The following CNTN5 variants were observed in gnomAD, a reference collection of about 807,000 sequenced individuals.
CNTN5 encodes the protein contactin 5, also known as contactin-5.
Under a neutral mutation model 129.1 loss-of-function variants are expected in CNTN5, and 77 were observed. The ratio of observed to expected loss-of-function variants is 0.60; its 90% CI spans 0.50 to 0.72. The LOEUF (loss-of-function observed/expected upper bound fraction) is 0.72, where lower values mean the gene tolerates loss of function less well. Ranked by LOEUF, CNTN5 falls within the 30% of genes least tolerant of loss-of-function variation. CNTN5 has a pLI of 0.00. For missense variants in CNTN5, 1,478 were observed against 1,328.8 expected, an observed-to-expected ratio of 1.11 and a Z score of -1.75; for synonymous variants, 509 against 465.6, an observed-to-expected ratio of 1.09 and a Z score of -1.20.
At chr11:99,556,046 T>G in intron 2 of CNTN5, 99 bp from the exon 3 acceptor site, 1 of 437,758 alleles carries the variant, frequency 2.3e-6, no homozygotes, top group Non-Finnish European at 4.1e-6. Context: ...AATGGTTATT[T>G]ATCATGTTAT....
intron 13 of CNTN5, among the ~76,000 whole-genome samples, chr11:100,114,042 A>G (rs1945757485): frequency 6.6e-6 from 1 of 152,072 alleles, no homozygotes; most frequent in African/African-American, 2.4e-5. Context: ...ACTGCCATCC[A>G]TGTAAGTATC....
intron 2 of CNTN5, among the ~76,000 whole-genome samples, chr11:99,527,015 C>T (rs1188307502): frequency 1.3e-5 from 2 of 152,322 alleles, no homozygotes; most frequent in Non-Finnish European, 2.9e-5. Flanking sequence ...ACCCAATCAC[C>T]TTTGTGCTCA....
At chr11:99,098,942 T>C (rs1049338484) in intron 1 of CNTN5, among the ~76,000 whole-genome samples, 3 of 152,122 alleles carry the variant, frequency 2.0e-5, no homozygotes, top group African/African-American at 7.2e-5. Context: ...AAGTAGAAAC[T>C]GAACATCATT....
chr11:99,874,568 A>G (rs1948586074), intron 6 of CNTN5, among the ~76,000 whole-genome samples: 1 of 152,144 alleles, frequency 6.6e-6, no homozygotes, highest in South Asian at 2.1e-4. Flanking sequence ...TAGGTTTGCA[A>G]GTTGGTGATA....
At chr11:100,189,579 A>G (rs374424963) in intron 13 of CNTN5, among the ~76,000 whole-genome samples, 2 of 152,304 alleles carry the variant, frequency 1.3e-5, no homozygotes, top group East Asian at 3.9e-4. Context: ...ACCATCTGTA[A>G]TTCTTACAAG....
At chr11:99,555,422 A>G (rs1421421026) in intron 2 of CNTN5, among the ~76,000 whole-genome samples, 10 of 151,996 alleles carry the variant, frequency 6.6e-5, no homozygotes, top group Admixed American at 4.6e-4. Context: ...AGAATTTTCT[A>G]TTCTTTTCAT....
At chr11:99,337,309 AAGAT>A (rs1427761010) in intron 2 of CNTN5, among the ~76,000 whole-genome samples, 1 of 152,146 alleles carries the variant, frequency 6.6e-6, no homozygotes, top group African/African-American at 2.4e-5. Context: ...CACACACAGA[AAGAT>A]AGAGGTGTGA....
chr11:99,413,708 T>C (rs1942506248), intron 2 of CNTN5, among the ~76,000 whole-genome samples: 1 of 152,162 alleles, frequency 6.6e-6, no homozygotes, highest in Admixed American at 6.5e-5. Flanking sequence ...TGTTTCAAAA[T>C]TCGTTTTTTT....
At chr11:99,753,651 G>GA (rs201045916) in intron 3 of CNTN5, among the ~76,000 whole-genome samples, 4,112 of 96,138 alleles carry the variant, frequency 0.043, 91 homozygotes, top group Non-Finnish European at 0.053. Flanking sequence ...AATTTTTACT[G>GA]AAAAAAAAAA....
At chr11:100,178,507 CAATTA>C (rs1487251165) in intron 13 of CNTN5, among the ~76,000 whole-genome samples, 1 of 152,146 alleles carries the variant, frequency 6.6e-6, no homozygotes, top group Non-Finnish European at 1.5e-5. Context: ...CGCATGTGAA[CAATTA>C]AATTGTTAGG....
intron 1 of CNTN5, among the ~76,000 whole-genome samples, chr11:99,142,887 C>T (rs1050012418): frequency 6.6e-5 from 10 of 152,262 alleles, no homozygotes; most frequent in African/African-American, 2.4e-4. Context: ...CCATTCATGT[C>T]TATTTAACTC....
chr11:99,147,832 G>A (rs1167851949), intron 1 of CNTN5, among the ~76,000 whole-genome samples: 2 of 152,130 alleles, frequency 1.3e-5, no homozygotes, highest in Admixed American at 6.5e-5. Flanking sequence ...ATCACAGAAA[G>A]CCATGTTTTC....
chr11:99,153,867 T>C (rs1860197708), intron 1 of CNTN5, among the ~76,000 whole-genome samples: 1 of 148,350 alleles, frequency 6.7e-6, no homozygotes, highest in Non-Finnish European at 1.5e-5. Flanking sequence ...TTATTTGGTA[T>C]AAGGTGATTT....
chr11:99,471,743 T>C (rs1945183101), intron 2 of CNTN5, among the ~76,000 whole-genome samples: 1 of 152,084 alleles, frequency 6.6e-6, no homozygotes, highest in African/African-American at 2.4e-5. Flanking sequence ...GTAATAAGTT[T>C]TGTGTTCTTC....
At chr11:99,262,224 C>A (rs74878785) in intron 1 of CNTN5, among the ~76,000 whole-genome samples, 12,657 of 152,006 alleles carry the variant, frequency 0.083, 558 homozygotes, top group South Asian at 0.12. Context: ...GCTTAAGCTG[C>A]AAGCCTATTT....
intron 8 of CNTN5, among the ~76,000 whole-genome samples, chr11:99,991,327 C>T (rs930712488): frequency 2.2e-5 from 3 of 138,138 alleles, no homozygotes; most frequent in East Asian, 2.0e-4. Context: ...ATTAGCCAGG[C>T]GTGGTGGTGG....
intron 13 of CNTN5, among the ~76,000 whole-genome samples, chr11:100,082,934 C>T (rs1944416647): frequency 6.6e-6 from 1 of 152,046 alleles, no homozygotes. Flanking sequence ...ATGCCAGCAT[C>T]TCCTTCAAGT....
chr11:99,935,184 G>A (rs1401722882), intron 7 of CNTN5, among the ~76,000 whole-genome samples: 1 of 151,350 alleles, frequency 6.6e-6, no homozygotes. Context: ...ATATGACCTA[G>A]AATAGTGTAT....
At chr11:99,349,940 C>T (rs770507675) in intron 2 of CNTN5, among the ~76,000 whole-genome samples, 19 of 151,942 alleles carry the variant, frequency 1.3e-4, no homozygotes, top group Non-Finnish European at 2.5e-4. Context: ...TCATTTTAGA[C>T]GTGGACATAG....
Sources: gnomAD v4.1 joint callset for allele counts (sites outside exome capture counted in the v4.1 genomes callset) on GRCh38, gnomAD v4.1.1 for gene constraint, MANE v1.5 for transcripts, NCBI Gene and HGNC (gene_info 2026-07-23, HGNC 2026-07-21) for gene names.